Variants in RYR2 observed in about 807,000 individuals in gnomAD.
RYR2 encodes ryanodine receptor 2.
Under a neutral mutation model 601.1 loss-of-function variants are expected in RYR2, and 227 were observed. The observed-to-expected ratio is 0.38, with a 90% CI of 0.34 to 0.42. The LOEUF is 0.42. RYR2 is among the 10% of genes least tolerant of loss of function. The pLI is 1.00. For synonymous variants in RYR2, 2,223 were observed against 2,175.1 expected (o/e 1.02, Z -0.61); for missense variants, 4,646 against 6,156.5 (o/e 0.75, Z 8.21).
chr1:237,517,054 T>C (rs1270857073), intron 24 of RYR2, among the ~76,000 whole-genome samples: 1 of 152,248 alleles, frequency 6.6e-6, no homozygotes, highest in African/African-American at 2.4e-5. Context: ...AGTGTGTGCA[T>C]GGCCCAGACA....
At chr1:237,331,127 T>G (rs1696666049) in intron 3 of RYR2, 145 bp downstream of exon 3, 9 of 720,110 alleles carry the variant, frequency 1.2e-5, no homozygotes, top group Non-Finnish European at 2.0e-5. Context: ...TTTGACTTTC[T>G]GCTTTATCTA....
intron 2 of RYR2, among the ~76,000 whole-genome samples, chr1:237,308,581 G>C (rs570871574): frequency 6.6e-6 from 1 of 152,164 alleles, no homozygotes; most frequent in Admixed American, 6.5e-5. Context: ...GGTGTGTCCA[G>C]AGTTTGTTCT....
At position 237,798,275 on chromosome 1, in the gene RYR2, A is replaced by AATAG. The variant is rs144914602; in HGVS notation, c.14090+112_14090+115dup. 4.4e-3 allele frequency: 4,586 copies of AATAG among 1,038,212 alleles called. 117 individuals are homozygous for AATAG. The African/African-American group carries it at 0.055, about 12-fold the overall frequency. The allele number at this position is 1,038,212 out of a possible 1,614,324, so 64.3% of individuals were successfully genotyped here. On this transcript the variant is annotated intron_variant, in intron 97 of 104. Coordinates refer to ENST00000366574, the MANE Select transcript of RYR2 (RefSeq NM_001035.3). Reference sequence around the variant, plus strand: ...ATTTCCTTTCCTTCAATGTCAGAAGAATAGATAGATGAGGAAAACAGAAAG... The same window carrying AATAG: ...ATTTCCTTTCCTTCAATGTCAGAAGAATAGATAGATAGATGAGGAAAACAGAAAG...
intron 2 of RYR2, among the ~76,000 whole-genome samples, chr1:237,329,424 C>T (rs965270865): frequency 4.0e-5 from 6 of 151,844 alleles, no homozygotes; most frequent in South Asian, 2.1e-4. Context: ...GGGCGGATCA[C>T]GAGGTCAAGA....
At chr1:237,222,077 G>A (rs1000096598) in intron 1 of RYR2, among the ~76,000 whole-genome samples, 1 of 152,086 alleles carries the variant, frequency 6.6e-6, no homozygotes, top group African/African-American at 2.4e-5. Context: ...TTTATCCTGG[G>A]AATATTGCAT....
At chr1:237,634,281 T>TA (rs1265181065) in intron 43 of RYR2, among the ~76,000 whole-genome samples, 2 of 152,034 alleles carry the variant, frequency 1.3e-5, no homozygotes, top group Non-Finnish European at 2.9e-5. Context: ...TGTTTGGCCT[T>TA]AAAAAAAGAG....
intron 3 of RYR2, among the ~76,000 whole-genome samples, chr1:237,337,831 G>A (rs977979187): frequency 3.3e-5 from 5 of 152,172 alleles, no homozygotes; most frequent in African/African-American, 1.2e-4. Flanking sequence ...CCTAGCTATA[G>A]TTGCTCTATG....
In RYR2 at chr1:237,484,380, G is replaced by A. The variant is rs184860289; in HGVS notation, c.1709-7426G>A. Among the ~76,000 whole-genome samples the A allele has an allele frequency of 1.8e-4, 28 of 152,234 alleles. No homozygotes were observed. The East Asian group carries it at 5.0e-3, about 27-fold the overall frequency. On this transcript the variant is annotated intron_variant, in intron 17 of 104. Transcript: ENST00000366574. ...AACAGTACCATGGGGGGTGGGGCAT[G>A]GTGGTTTCTAAGTCTGTGGTTTTCC... is the stretch of plus-strand genomic sequence containing the variant.
chr1:237,191,434 T>C (rs1306277165), intron 1 of RYR2, among the ~76,000 whole-genome samples: 1 of 152,038 alleles, frequency 6.6e-6, no homozygotes, highest in Non-Finnish European at 1.5e-5. Context: ...TTTTTTTCCT[T>C]TTTCTACAAA....
chr1:237,718,551 T>C (rs1382856763), intron 73 of RYR2, 30 bp downstream of exon 73: 3 of 1,210,610 alleles, frequency 2.5e-6, no homozygotes, highest in Non-Finnish European at 3.7e-6. Flanking sequence ...TAAGCCACAT[T>C]TACTACCTAT....
intron 10 of RYR2, among the ~76,000 whole-genome samples, chr1:237,403,092 A>G (rs1489505121): frequency 1.3e-5 from 2 of 152,160 alleles, no homozygotes; most frequent in Non-Finnish European, 2.9e-5. Flanking sequence ...GACAAAGAGA[A>G]CTCACAGGTG....
At chr1:237,288,669 A>G (rs368616570) in intron 2 of RYR2, among the ~76,000 whole-genome samples, 4 of 152,042 alleles carry the variant, frequency 2.6e-5, no homozygotes, top group East Asian at 1.9e-4. Flanking sequence ...GTGCCCCCCA[A>G]CAACAGCCCT....
At position 237,657,990 on chromosome 1, in the gene RYR2, G is replaced by T; in HGVS notation, c.8176G>T (p.Glu2726Ter). The T allele has an allele frequency of 6.6e-7, 1 of 1,517,644 alleles. No individual in the cohort carries two copies. Among genetic ancestry groups the T allele is most frequent in the South Asian group, 1.3e-5 (1 of 78,360 alleles). 94.0% of individuals were successfully genotyped at this position (1,517,644 alleles called of 1,614,324 possible). A position where few individuals can be genotyped will look rare whatever the true frequency, so the allele number is the denominator to read the frequency against. ...KLEYFINKYA[E>*]HSHDKWSMDK... is the part of the protein sequence containing the mutation. ...GGAATACTTCATTAACAAATATGCA[G>T]AACACTCCCATGACAAATGGTCAAT... Residue 2726 changes from glutamate to a stop codon, truncating the protein, a stop_gained, in exon 54 of 105, where the codon GAA becomes TAA. Coordinates refer to ENST00000366574, the MANE Select transcript of RYR2 (RefSeq NM_001035.3). LOFTEE classifies it high-confidence loss of function.
chr1:237,597,176 T>A (rs1675981231), intron 34 of RYR2, among the ~76,000 whole-genome samples: 1 of 152,136 alleles, frequency 6.6e-6, no homozygotes, highest in South Asian at 2.1e-4. Context: ...AGGTTAAAAG[T>A]CAAAATTGTC....
Position 237,441,381 on chromosome 1 carries a change from C to T in RYR2, c.1068C>T (p.Tyr356=), listed in dbSNP as rs776823422. 1.2e-5 allele frequency: 20 copies of T among 1,613,560 alleles called. No homozygotes were observed. The African/African-American group carries it at 1.6e-4, about 13-fold the overall frequency. Residue 356 remains tyrosine, a synonymous_variant, in exon 13 of 105, where the codon TAC becomes TAT. Coordinates refer to ENST00000366574, the MANE Select transcript of RYR2 (RefSeq NM_001035.3). ...GCATGGGAACATCTGAAATAAAATACGGTGACTCAGTATGCTATATACAAC... is the reference window on the plus strand; with the variant it reads ...GCATGGGAACATCTGAAATAAAATATGGTGACTCAGTATGCTATATACAAC... ...VDGMGTSEIK[Y]GDSVCYIQHV... is the part of the protein sequence containing the mutation.
intron 11 of RYR2, among the ~76,000 whole-genome samples, chr1:237,420,530 T>A (rs1705455895): frequency 6.6e-6 from 1 of 152,146 alleles, no homozygotes; most frequent in Non-Finnish European, 1.5e-5. Context: ...GCCCTCTCAT[T>A]TGGGAGGAGG....
chr1:237,817,782 C>T (rs771252243), intron 100 of RYR2, among the ~76,000 whole-genome samples: 13 of 152,274 alleles, frequency 8.5e-5, no homozygotes, highest in Non-Finnish European at 1.9e-4. Context: ...AGAAATGAAG[C>T]GAAGCAGAGG....
At chr1:237,364,740 T>C (rs958751433) in intron 5 of RYR2, among the ~76,000 whole-genome samples, 5 of 152,188 alleles carry the variant, frequency 3.3e-5, no homozygotes, top group Admixed American at 3.3e-4. Flanking sequence ...AGAATTTCTC[T>C]TATTAAAACA....
chr1:237,245,346 A>G (rs1386976438), intron 1 of RYR2, among the ~76,000 whole-genome samples: 1 of 152,136 alleles, frequency 6.6e-6, no homozygotes, highest in Admixed American at 6.5e-5. Context: ...TACCACATTG[A>G]GCAATGGCAT....
Sources: gnomAD v4.1 joint callset for allele counts (sites outside exome capture counted in the v4.1 genomes callset) on GRCh38, gnomAD v4.1.1 for gene constraint, MANE v1.5 for transcripts, NCBI Gene and HGNC (gene_info 2026-07-23, HGNC 2026-07-21) for gene names.